The following ETV5 variants were observed in gnomAD, a reference collection of about 807,000 sequenced individuals.
The protein encoded by ETV5 is ETS translocation variant 5.
ETV5 carries 10 observed loss-of-function variants against 70.0 expected under a neutral mutation model. The observed-to-expected ratio is 0.14, with a 90% CI of 0.09 to 0.24. The LOEUF is 0.24. ETV5 is among the 10% of genes least tolerant of loss of function. The pLI is 1.00. For missense variants in ETV5, 453 were observed against 651.2 expected, an observed-to-expected ratio of 0.70 and a Z score of 3.31; for synonymous variants, 216 against 242.2, an observed-to-expected ratio of 0.89 and a Z score of 1.01.
chr3:186,107,759 T>C (rs1376708351), intron 1 of ETV5, among the ~76,000 whole-genome samples: 1 of 150,040 alleles, frequency 6.7e-6, no homozygotes, highest in African/African-American at 2.5e-5. Flanking sequence ...GCGGGCCCGG[T>C]TTTATGAATG....
chr3:186,071,590 G>C (rs965089897), intron 7 of ETV5, among the ~76,000 whole-genome samples: 22 of 152,176 alleles, frequency 1.4e-4, no homozygotes, highest in African/African-American at 4.8e-4. Flanking sequence ...TATAACACTG[G>C]TAAGTTCTCA....
intron 8 of ETV5, 87 bp downstream of exon 8, chr3:186,065,726 C>T: frequency 6.6e-7 from 1 of 1,506,060 alleles, no homozygotes. Flanking sequence ...AAATTCCTGT[C>T]CCCAAGGCCC....
chr3:186,095,486 T>C lies in ETV5; in HGVS notation c.232+9819A>G, dbSNP rs537376868. Among the ~76,000 whole-genome samples the C allele has an allele frequency of 8.5e-5, 13 of 152,314 alleles. 1 individual carries two copies. In the South Asian group the frequency reaches 2.1e-3, roughly 24 times the overall value. ...CTTATCTTTAATTTCAGATTGAAAATTCATCCTTAAAATCTGACAGGAGAA... is the reference window on the plus strand; with the variant it reads ...CTTATCTTTAATTTCAGATTGAAAACTCATCCTTAAAATCTGACAGGAGAA... On this transcript the variant is annotated intron_variant, in intron 5 of 12. Transcript: ENST00000306376.
rs766789985 is a variant in ETV5, at chr3:186,057,662, A to G, written c.971-171T>C. The stretch of plus-strand genomic sequence containing the variant: ...ACTTCAAGAGGGCTTAGGCATTCCA[A>G]TTCTGATGTAATCACCTGCGCCTCA... On this transcript the variant is annotated intron_variant, in intron 9 of 12. Coordinates refer to ENST00000306376, the MANE Select transcript of ETV5 (RefSeq NM_004454.3). This position sits in a 1 kb window ranked among gnomAD's most constrained non-coding sequence, Gnocchi z 4.9. Among the ~76,000 whole-genome samples the G allele has an allele frequency of 6.6e-6, 1 of 152,194 alleles. No homozygotes were observed. Among genetic ancestry groups the G allele is most frequent in the Non-Finnish European group, 1.5e-5 (1 of 68,032 alleles).
rs1281110589 is a variant in ETV5 at position 186,052,624 on chromosome 3, C to T, written c.1210-493G>A. On this transcript the variant is annotated intron_variant, in intron 11 of 12. Transcript: ENST00000306376. The surrounding 1 kb of genome is among the most constrained non-coding windows in gnomAD (Gnocchi z 4.5). ...GGGGCTGGGAGATGTTTACTTATTG[C>T]AGCTCATGGACTAAGGGGGAATCAG... 3.9e-5 allele frequency among the ~76,000 whole-genome samples: 6 copies of T among 152,188 alleles called. No individual in the cohort carries two copies. The highest frequency in any genetic ancestry group is 8.8e-5 in the Non-Finnish European group (6 of 68,036).
chr3:186,091,626 G>C (rs1380314834), intron 5 of ETV5, among the ~76,000 whole-genome samples: 1 of 152,202 alleles, frequency 6.6e-6, no homozygotes, highest in Non-Finnish European at 1.5e-5. Flanking sequence ...CAGCAGAAGA[G>C]AGGCTTCAGG....
At chr3:186,066,369 T>C (rs548129423) in intron 7 of ETV5, among the ~76,000 whole-genome samples, 5 of 151,954 alleles carry the variant, frequency 3.3e-5, no homozygotes, top group African/African-American at 9.6e-5. Context: ...ATTATGTATC[T>C]GAATATATGA....
chr3:186,074,304 A>C (rs1713718117), intron 7 of ETV5, among the ~76,000 whole-genome samples: 1 of 152,200 alleles, frequency 6.6e-6, no homozygotes, highest in Non-Finnish European at 1.5e-5. Context: ...CAAAACTGTA[A>C]AATGTGAAGA....
chr3:186,062,421 G>T (rs1435637484), intron 9 of ETV5, among the ~76,000 whole-genome samples: 1 of 152,182 alleles, frequency 6.6e-6, no homozygotes, highest in Admixed American at 6.5e-5. Context: ...AAGAGACTGA[G>T]ACCAACCTGG....
At chr3:186,070,457 C>T (rs1212020698) in intron 7 of ETV5, among the ~76,000 whole-genome samples, 6 of 152,226 alleles carry the variant, frequency 3.9e-5, no homozygotes, top group African/African-American at 1.4e-4. Flanking sequence ...CCCCTCCCCG[C>T]GGCATAACTT....
At chr3:186,087,765 C>G (rs1714091921) in intron 5 of ETV5, among the ~76,000 whole-genome samples, 1 of 152,138 alleles carries the variant, frequency 6.6e-6, no homozygotes, top group South Asian at 2.1e-4. Context: ...TTCACTATTA[C>G]AGCCCCAAGG....
intron 5 of ETV5, among the ~76,000 whole-genome samples, chr3:186,095,768 T>C (rs567605889): frequency 5.3e-5 from 8 of 152,360 alleles, no homozygotes; most frequent in Middle Eastern, 3.4e-3. Flanking sequence ...CTAGCTTTTG[T>C]TCTCTTTATC....
Position 186,052,537 on chromosome 3 carries a change from A to T in ETV5, c.1210-406T>A, listed in dbSNP as rs947528459. Among the ~76,000 whole-genome samples the T allele has an allele frequency of 1.3e-5, 2 of 152,184 alleles. No homozygotes were observed. The highest frequency in any genetic ancestry group is 2.9e-5 in the Non-Finnish European group (2 of 68,036). ...AATGGTCATTCCTGAAACATTAGAA[A>T]CACACTAGTGAGTTGCTAATGGGCC... On this transcript the variant is annotated intron_variant, in intron 11 of 12. Transcript: ENST00000306376. The surrounding 1 kb of genome is among the most constrained non-coding windows in gnomAD (Gnocchi z 4.5).
At position 186,054,459 on chromosome 3, in the gene ETV5, C is replaced by A. The variant is rs888608192; in HGVS notation, c.1210-2328G>T. ...CATGTTCAACAAACAACCCTACCCC[C>A]CAAAATATTCATTAATGCAGATTCA... On this transcript the variant is annotated intron_variant, in intron 11 of 12. Coordinates refer to ENST00000306376, the MANE Select transcript of ETV5 (RefSeq NM_004454.3). This position sits in a 1 kb window ranked among gnomAD's most constrained non-coding sequence, Gnocchi z 4.4. 6.6e-6 allele frequency among the ~76,000 whole-genome samples: 1 copy of A among 152,094 alleles called. No individual in the cohort carries two copies. Among genetic ancestry groups the A allele is most frequent in the African/African-American group, 2.4e-5 (1 of 41,406 alleles).
rs371737460 is a variant in ETV5, at chr3:186,057,454, G to A, written c.1008C>T (p.Asp336=). The change falls in exon 10 of 13, where the codon GAC becomes GAT. Residue 336 remains aspartate (D), a synonymous_variant. Transcript: ENST00000306376. The surrounding 1 kb of genome is among the most constrained non-coding windows in gnomAD (Gnocchi z 4.9). ...SYEKDPRLYF[D]DTCVVPERLE... Reference sequence around the variant, plus strand: ...GTCTCTCAGGCACAACACAAGTGTCGTCAAAGTATAATCGGGGATCTTTTT... The same window carrying A: ...GTCTCTCAGGCACAACACAAGTGTCATCAAAGTATAATCGGGGATCTTTTT... The A allele has an allele frequency of 8.8e-5, 142 of 1,613,956 alleles. No individual in the cohort carries two copies. The highest frequency in any genetic ancestry group is 1.2e-4 in the Admixed American group (7 of 60,000).
intron 5 of ETV5, among the ~76,000 whole-genome samples, chr3:186,087,710 T>A (rs2150151419): frequency 6.6e-6 from 1 of 152,192 alleles, no homozygotes; most frequent in Admixed American, 6.6e-5. Context: ...TACAGGCCTG[T>A]GGACTGTTCA....
rs1713179561 is a variant in ETV5, at chr3:186,056,950, A to G, written c.1209+125T>C. On this transcript the variant is annotated intron_variant, in intron 11 of 12. Coordinates refer to ENST00000306376, the MANE Select transcript of ETV5 (RefSeq NM_004454.3). ...AGGGATACAGCCAAGCCCACTGGCC[A>G]GGCCAGAATATGAATGAGAAGCAAG... 3.9e-6 allele frequency: 4 copies of G among 1,033,444 alleles called. No homozygotes were observed. The African/African-American group carries it at 6.4e-5, about 17-fold the overall frequency. 64.0% of individuals were successfully genotyped at this position (1,033,444 alleles called of 1,614,324 possible). A position where few individuals can be genotyped will look rare whatever the true frequency, so the allele number is the denominator to read the frequency against.
At chr3:186,072,706 G>A (rs998685383) in intron 7 of ETV5, among the ~76,000 whole-genome samples, 5 of 152,062 alleles carry the variant, frequency 3.3e-5, no homozygotes, top group African/African-American at 2.4e-5. Context: ...GAGAGATAAG[G>A]AACAAAAAGC....
intron 5 of ETV5, among the ~76,000 whole-genome samples, chr3:186,094,715 G>A (rs1172367288): frequency 6.6e-6 from 1 of 152,160 alleles, no homozygotes; most frequent in African/African-American, 2.4e-5. Flanking sequence ...TAGCACATAC[G>A]GGGCTCTTCC....
Sources: gnomAD v4.1 joint callset for allele counts (sites outside exome capture counted in the v4.1 genomes callset) on GRCh38, gnomAD v4.1.1 for gene constraint, Gnocchi (gnomAD v3.1) non-coding constraint, MANE v1.5 for transcripts, NCBI Gene and HGNC (gene_info 2026-07-23, HGNC 2026-07-21) for gene names.